Variants in LCA5L observed in about 807,000 individuals in gnomAD.
LCA5L encodes the protein lebercilin LCA5 like.
A neutral mutation model predicts 45.4 loss-of-function variants in LCA5L; 35 were observed. That is an observed-to-expected ratio of 0.77 (90% CI 0.59 to 1.02). LCA5L has a LOEUF of 1.02. Ranked by LOEUF, LCA5L falls within the 50% of genes least tolerant of loss-of-function variation. The pLI is 0.00. For missense variants in LCA5L, 668 were observed against 761.6 expected, an observed-to-expected ratio of 0.88 and a Z score of 1.45; for synonymous variants, 233 against 264.7, an observed-to-expected ratio of 0.88 and a Z score of 1.16.
chr21:39,413,503 A>G (rs2040469311), intron 7 of LCA5L, among the ~76,000 whole-genome samples: 1 of 152,234 alleles, frequency 6.6e-6, no homozygotes, highest in Non-Finnish European at 1.5e-5. Context: ...CCTGAATTGT[A>G]CAGTGTAAAT....
At chr21:39,420,185 CAT>C (rs2042044718) in intron 7 of LCA5L, among the ~76,000 whole-genome samples, 2 of 151,996 alleles carry the variant, frequency 1.3e-5, no homozygotes, top group South Asian at 4.1e-4. Context: ...TTTGTCTGTT[CAT>C]ATGATTGTAG....
rs904624605 is a variant in LCA5L, at chr21:39,409,917, C to T, written c.1282+62G>A. The T allele has an allele frequency of 7.3e-5, 69 of 951,366 alleles. No individual in the cohort carries two copies. Among genetic ancestry groups the T allele is most frequent in the Non-Finnish European group, 9.8e-5 (60 of 609,824 alleles). The allele number at this position is 951,366 out of a possible 1,614,324, so 58.9% of individuals were successfully genotyped here. ...CTGTTTTATGTGTGCTTTATATACA[C>T]ATATAGTAATTCACAATTTTAAAGA... On this transcript the variant is annotated intron_variant, in intron 10 of 10. Transcript: ENST00000288350. The surrounding 1 kb of genome is among the most constrained non-coding windows in gnomAD (Gnocchi z 4.2).
intron 3 of LCA5L, among the ~76,000 whole-genome samples, chr21:39,429,969 C>T (rs972703019): frequency 2.6e-5 from 4 of 152,080 alleles, no homozygotes; most frequent in Non-Finnish European, 4.4e-5. Context: ...GAGCTGTGAT[C>T]GCGGCACTGC....
At chr21:39,434,891 G>GA (rs1263248076) in intron 3 of LCA5L, among the ~76,000 whole-genome samples, 2 of 152,178 alleles carry the variant, frequency 1.3e-5, no homozygotes, top group Non-Finnish European at 2.9e-5. Context: ...CTGGGGTTAT[G>GA]AAGAAGGTAA....
chr21:39,406,880 C>A, intron 10 of LCA5L: 1 of 385,342 alleles, frequency 2.6e-6, no homozygotes, highest in Non-Finnish European at 4.6e-6. Flanking sequence ...ATAAAATTTG[C>A]CAATAAGGTT....
At chr21:39,430,425 C>T (rs778724449) in intron 3 of LCA5L, among the ~76,000 whole-genome samples, 1 of 152,162 alleles carries the variant, frequency 6.6e-6, no homozygotes, top group Non-Finnish European at 1.5e-5. Context: ...CACAAATTGT[C>T]CAGCTACAGT....
intron 1 of LCA5L, among the ~76,000 whole-genome samples, chr21:39,445,151 G>A (rs1296427527): frequency 2.0e-5 from 3 of 152,086 alleles, no homozygotes; most frequent in African/African-American, 4.8e-5. Context: ...GCAACGAAAC[G>A]TTAACACGCT....
At chr21:39,432,524 G>A (rs913071355) in intron 3 of LCA5L, among the ~76,000 whole-genome samples, 1 of 152,076 alleles carries the variant, frequency 6.6e-6, no homozygotes, top group Non-Finnish European at 1.5e-5. Context: ...TTTTATTGAG[G>A]TATCAAAGAA....
rs776483214 is a variant in LCA5L at position 39,411,786 on chromosome 21, A to G, written c.992T>C (p.Leu331Pro). 10 of 1,587,524 alleles carry G rather than the reference A, an allele frequency of 6.3e-6. No individual in the cohort carries two copies. The highest frequency in any genetic ancestry group is 7.7e-6 in the Non-Finnish European group (9 of 1,162,458). Reference sequence around the variant, plus strand: ...ATGACTATAGATGTTTTTAATTTCAAGCTCACGATCCTTTTCCTAAAAAGA... The same window carrying G: ...ATGACTATAGATGTTTTTAATTTCAGGCTCACGATCCTTTTCCTAAAAAGA... ...QQKLKEKDRE[L>P]EIKNIYSHRI... The change falls in exon 8 of 11, where the codon CTT becomes CCT. Residue 331 changes from leucine to proline, a missense_variant. By Grantham distance (98) the Leu-to-Pro change is moderately conservative (BLOSUM62 -3). Transcript: ENST00000288350.
chr21:39,413,262 C>T (rs2040426140), intron 7 of LCA5L, among the ~76,000 whole-genome samples: 1 of 152,182 alleles, frequency 6.6e-6, no homozygotes, highest in Non-Finnish European at 1.5e-5. Flanking sequence ...TATGTTTTCT[C>T]TCATGCCCAG....
chr21:39,421,116 T>C (rs2042232210), intron 6 of LCA5L, among the ~76,000 whole-genome samples: 1 of 151,800 alleles, frequency 6.6e-6, no homozygotes, highest in Non-Finnish European at 1.5e-5. Context: ...TTTTTTTTTT[T>C]TTCTAAGTTG....
intron 7 of LCA5L, among the ~76,000 whole-genome samples, chr21:39,415,721 T>C (rs376519647): frequency 2.0e-5 from 3 of 152,238 alleles, no homozygotes; most frequent in African/African-American, 7.2e-5. Context: ...GACTGATTAA[T>C]ATATCTCTTA....
rs372494952 is a variant in LCA5L at position 39,422,973 on chromosome 21, G to A, written c.837+3C>T. The A allele has an allele frequency of 5.6e-6, 9 of 1,612,612 alleles. No individual in the cohort carries two copies. Among genetic ancestry groups the A allele is most frequent in the Non-Finnish European group, 6.8e-6 (8 of 1,179,588 alleles). ...AAACTGTCTGGGCCCCTGAAATACA[G>A]ACCTGTATTTTTTTGTCATTTGCGT... On this transcript the variant is annotated splice_donor_region_variant and intron_variant, in intron 6 of 10. Transcript: ENST00000288350.
chr21:39,430,604 A>G (rs2075604585), intron 3 of LCA5L, among the ~76,000 whole-genome samples: 1 of 152,152 alleles, frequency 6.6e-6, no homozygotes. Flanking sequence ...TATCTGAGGA[A>G]TGCAACCCCC....
chr21:39,418,055 C>CATGCCTGGCCAGAAATGGTTTTTTAAT (rs1569086130), intron 7 of LCA5L, among the ~76,000 whole-genome samples: 2 of 152,188 alleles, frequency 1.3e-5, no homozygotes, highest in East Asian at 3.8e-4. Context: ...CGTGAGCCAC[C>CATGCCTGGCCAGAAATGGTTTTTTAAT]GCGCCCAGCG....
intron 5 of LCA5L, among the ~76,000 whole-genome samples, chr21:39,424,077 A>G (rs768269330): frequency 1.3e-4 from 20 of 152,042 alleles, no homozygotes; most frequent in Admixed American, 2.6e-4. Flanking sequence ...TAGTGGTGCA[A>G]CCTTGGCTCA....
intron 2 of LCA5L, among the ~76,000 whole-genome samples, chr21:39,437,717 G>A (rs145374404): frequency 1.1e-3 from 164 of 152,250 alleles, no homozygotes; most frequent in African/African-American, 3.5e-3. Context: ...CTCCCAAAGT[G>A]CTGGAATTAT....
chr21:39,441,326 G>A (rs73367969), intron 2 of LCA5L, among the ~76,000 whole-genome samples: 4,139 of 151,998 alleles, frequency 0.027, 181 homozygotes, highest in African/African-American at 0.095. Context: ...AAAACCAAAC[G>A]AACAAAACAC....
intron 2 of LCA5L, among the ~76,000 whole-genome samples, chr21:39,441,461 C>A (rs1050902761): frequency 6.6e-6 from 1 of 152,112 alleles, no homozygotes; most frequent in African/African-American, 2.4e-5. Flanking sequence ...CATATAAGGT[C>A]CAGTCTAGCA....
Sources: gnomAD v4.1 joint callset for allele counts (sites outside exome capture counted in the v4.1 genomes callset) on GRCh38, gnomAD v4.1.1 for gene constraint, Gnocchi (gnomAD v3.1) non-coding constraint, MANE v1.5 for transcripts, NCBI Gene and HGNC (gene_info 2026-07-23, HGNC 2026-07-21) for gene names.